The following PRPF6 variants were observed in gnomAD, a reference collection of about 807,000 sequenced individuals.
The protein encoded by PRPF6 is pre-mRNA-processing factor 6.
Under a neutral mutation model 118.3 loss-of-function variants are expected in PRPF6, and 42 were observed. The ratio of observed to expected loss-of-function variants is 0.35; its 90% CI spans 0.28 to 0.46. The LOEUF (loss-of-function observed/expected upper bound fraction) is 0.46. Ranked by LOEUF, PRPF6 falls within the 20% of genes least tolerant of loss-of-function variation. The pLI is 1.00. For synonymous variants in PRPF6, 481 were observed against 485.1 expected (o/e 0.99, Z 0.11); for missense variants, 662 against 1,255.7 (o/e 0.53, Z 7.15).
chr20:63,985,360 A>AAC (rs1211376811), intron 3 of PRPF6, among the ~76,000 whole-genome samples: 2 of 152,008 alleles, frequency 1.3e-5, no homozygotes, highest in African/African-American at 4.8e-5. Flanking sequence ...AAAAAAAAAA[A>AAC]AAGTTTTGTT....
chr20:63,982,814 G>A (rs780542039), intron 1 of PRPF6, among the ~76,000 whole-genome samples: 9 of 152,114 alleles, frequency 5.9e-5, no homozygotes, highest in East Asian at 1.9e-4. Context: ...GGAGATGATC[G>A]AAGCCTTAGG....
rs767690517 is a variant in PRPF6, at chr20:63,999,702, T to C, written c.966T>C (p.Thr322=). ...CATCAGCCCGCCTGGAAGAAGTCAC[T>C]GGGAAGCTACAAGTAGCTCGGAACC... ...WIASARLEEV[T]GKLQVARNLI... The change falls in exon 8 of 21, where the codon ACT becomes ACC. Residue 322 remains threonine, a synonymous_variant. Coordinates refer to ENST00000266079, the MANE Select transcript of PRPF6 (RefSeq NM_012469.4). The C allele has an allele frequency of 3.1e-6, 5 of 1,614,066 alleles. No individual in the cohort carries two copies. The East Asian group carries it at 8.9e-5, about 29-fold the overall frequency.
In PRPF6 at chr20:64,022,778, G is replaced by C; in HGVS notation, c.1669G>C (p.Glu557Gln). The C allele has an allele frequency of 6.2e-7, 1 of 1,614,096 alleles. No individual in the cohort carries two copies. The highest frequency in any genetic ancestry group is 8.5e-7 in the Non-Finnish European group (1 of 1,180,018). ...ADSCVAHNAL[E>Q]CARAIYAYAL... ...CTAGTGTGTAGCCCACAATGCCCTG[G>C]AGTGTGCACGAGCCATCTACGCCTA... is the stretch of plus-strand genomic sequence containing the variant. The change falls in exon 13 of 21, where the codon GAG (glutamate) becomes CAG (glutamine). Residue 557 changes from glutamate to glutamine, a missense_variant. Transcript: ENST00000266079.
intron 9 of PRPF6, among the ~76,000 whole-genome samples, chr20:64,002,014 G>GTT (rs386394238): frequency 0.55 from 45,307 of 83,128 alleles, 14,714 homozygotes; most frequent in East Asian, 0.79. Context: ...TTTTTTTCTG[G>GTT]TTTTTTTTTT....
At position 63,993,407 on chromosome 20, in the gene PRPF6, G is replaced by A. The variant is rs777146271; in HGVS notation, c.360G>A (p.Arg120=). 13 of 1,610,066 alleles carry A rather than the reference G, an allele frequency of 8.1e-6. No individual in the cohort carries two copies. The highest frequency in any genetic ancestry group is 1.3e-5 in the African/African-American group (1 of 74,684). ...KRMDERRKER[R]EQREKEEIEK... ...GATGTGTGCATGTTTTATTTCCTAG[G>A]GAGCAAAGGGAGAAAGAAGAAATAG... The change falls in exon 4 of 21, where the codon CGG becomes CGA. Residue 120 remains arginine, a splice_region_variant and synonymous_variant. Coordinates refer to ENST00000266079, the MANE Select transcript of PRPF6 (RefSeq NM_012469.4).
At chr20:64,013,088 C>G (rs2123056464) in intron 11 of PRPF6, among the ~76,000 whole-genome samples, 1 of 152,140 alleles carries the variant, frequency 6.6e-6, no homozygotes, top group East Asian at 1.9e-4. Flanking sequence ...CGTCAGTCAC[C>G]TGAGTAGCTG....
At chr20:64,002,896 G>A (rs1174472815) in intron 9 of PRPF6, among the ~76,000 whole-genome samples, 2 of 147,892 alleles carry the variant, frequency 1.4e-5, no homozygotes, top group Non-Finnish European at 3.0e-5. Context: ...CACCCACCTC[G>A]ACCTCCCAAA....
chr20:63,997,790 G>A (rs1323004180), intron 6 of PRPF6, among the ~76,000 whole-genome samples: 1 of 152,050 alleles, frequency 6.6e-6, no homozygotes, highest in Non-Finnish European at 1.5e-5. Context: ...GGCCAGGCTG[G>A]TCTCGAACTC....
intron 3 of PRPF6, 147 bp from the exon 4 acceptor site, chr20:63,993,259 TG>T: frequency 5.1e-6 from 2 of 393,256 alleles, no homozygotes; most frequent in Admixed American, 3.5e-5. Flanking sequence ...TGTGTGTGTG[TG>T]TGTATATGTA....
At position 64,016,841 on chromosome 20, in the gene PRPF6, A is replaced by G. The variant is rs747005222; in HGVS notation, c.1643A>G (p.Asp548Gly). The change falls in exon 12 of 21, where the codon GAC becomes GGC. Residue 548 changes from aspartate to glycine, a missense_variant. Transcript: ENST00000266079. ...DRKHTWMEDADSCVAHNALEC... is the reference protein window; with the variant it reads ...DRKHTWMEDAGSCVAHNALEC... ...AAGCATACCTGGATGGAGGATGCTGACAGTGTGAGTTGGCAACAGGGGCCT... is the reference window on the plus strand; with the variant it reads ...AAGCATACCTGGATGGAGGATGCTGGCAGTGTGAGTTGGCAACAGGGGCCT... 2.5e-6 allele frequency: 4 copies of G among 1,614,118 alleles called. No individual in the cohort carries two copies. Among genetic ancestry groups the G allele is most frequent in the Non-Finnish European group, 3.4e-6 (4 of 1,180,006 alleles).
chr20:63,990,172 A>G (rs184885307), intron 3 of PRPF6, among the ~76,000 whole-genome samples: 58 of 152,288 alleles, frequency 3.8e-4, no homozygotes, highest in Non-Finnish European at 6.8e-4. Context: ...CACTTTAAAC[A>G]ACCAGATCTT....
At position 63,999,742 on chromosome 20, in the gene PRPF6, A is replaced by G. The variant is rs1244491802; in HGVS notation, c.1006A>G (p.Thr336Ala). 3 of 1,614,110 alleles carry G rather than the reference A, an allele frequency of 1.9e-6. No individual in the cohort carries two copies. The highest frequency in any genetic ancestry group is 2.2e-5 in the East Asian group (1 of 44,884). The change falls in exon 8 of 21, where the codon ACG becomes GCG. Residue 336 changes from threonine (T) to alanine (A), a missense_variant. Transcript: ENST00000266079. ...QVARNLIMKG[T>A]EMCPKSEDVW... ...AGCTCGGAACCTTATCATGAAGGGG[A>G]CGGAGATGTGCCCCAAGGTGAGGTA...
At chr20:63,985,089 C>G in intron 3 of PRPF6, 64 bp downstream of exon 3, 1 of 1,308,786 alleles carries the variant, frequency 7.6e-7, no homozygotes, top group Non-Finnish European at 1.1e-6. Flanking sequence ...TGTGGCCAGG[C>G]GCAGTGGCTC....
chr20:64,025,827 G>T, intron 14 of PRPF6, 112 bp from the exon 15 acceptor site: 1 of 1,589,028 alleles, frequency 6.3e-7, no homozygotes. Context: ...GACTAATCCT[G>T]TAGCAGAGCA....
chr20:64,001,019 C>T, intron 8 of PRPF6, 58 bp from the exon 9 acceptor site: 1 of 1,574,318 alleles, frequency 6.4e-7, no homozygotes, highest in Non-Finnish European at 8.7e-7. Context: ...GTGCCTGCTG[C>T]CCTGTTGCGG....
Position 63,995,103 on chromosome 20 carries a change from A to G in PRPF6, c.615+11A>G, listed in dbSNP as rs6011250. 5.2e-4 allele frequency: 839 copies of G among 1,614,000 alleles called. 6 individuals carry two copies. In the African/African-American group the frequency reaches 9.2e-3, roughly 18 times the overall value. ...GATCCCCGACAAACTGTGAGCTTCCAAAAAAGGGCACATGTGGCCCATTTA... is the reference window on the plus strand; with the variant it reads ...GATCCCCGACAAACTGTGAGCTTCCGAAAAAGGGCACATGTGGCCCATTTA... On this transcript the variant is annotated intron_variant, in intron 5 of 20. Transcript: ENST00000266079.
At chr20:63,997,879 A>G (rs1433630864) in intron 6 of PRPF6, among the ~76,000 whole-genome samples, 1 of 151,900 alleles carries the variant, frequency 6.6e-6, no homozygotes, top group Non-Finnish European at 1.5e-5. Context: ...CCCGGCCAGC[A>G]TGTTCTCAGT....
intron 13 of PRPF6, among the ~76,000 whole-genome samples, chr20:64,023,712 A>G (rs1005831212): frequency 6.6e-6 from 1 of 152,200 alleles, no homozygotes; most frequent in African/African-American, 2.4e-5. Flanking sequence ...AATGGCTGCC[A>G]TGGTGCCCCT....
At chr20:64,019,122 TCTCA>T (rs1419654751) in intron 12 of PRPF6, among the ~76,000 whole-genome samples, 1 of 127,880 alleles carries the variant, frequency 7.8e-6, no homozygotes, top group East Asian at 2.2e-4. Context: ...TGGGACAGAG[TCTCA>T]CTCTGTCTCC....
Sources: allele counts gnomAD v4.1 joint callset (sites outside exome capture counted in the v4.1 genomes callset), GRCh38; gene constraint gnomAD v4.1.1; transcripts MANE v1.5; gene names NCBI Gene and HGNC (gene_info 2026-07-23, HGNC 2026-07-21).